Variants in POLA1 observed in about 807,000 individuals in gnomAD.
POLA1 encodes the protein DNA polymerase alpha catalytic subunit.
Under a neutral mutation model 124.0 loss-of-function variants are expected in POLA1, and 15 were observed. That is an observed-to-expected ratio of 0.12 (90% CI 0.08 to 0.19). POLA1 has a LOEUF of 0.19. Among genes scored for constraint, POLA1 ranks in the 10% least tolerant of loss-of-function variants. POLA1 has a pLI of 1.00. For synonymous variants in POLA1, 408 were observed against 389.4 expected (o/e 1.05, Z -0.56); for missense variants, 886 against 1,103.4 (o/e 0.80, Z 2.79).
At chrX:24,717,001 A>G (rs372926955) in intron 8 of POLA1, 30 bp downstream of exon 8, 6 of 974,929 alleles carry the variant, frequency 6.2e-6, no homozygotes, top group African/African-American at 1.9e-5. Context: ...GAATTGCAAG[A>G]GTGTTGAGTG....
At chrX:24,958,349 T>C (rs1424875922) in intron 36 of POLA1, among the ~76,000 whole-genome samples, 3 of 112,306 alleles carry the variant, frequency 2.7e-5, no homozygotes, top group Non-Finnish European at 5.6e-5. Flanking sequence ...AACAGCTCTA[T>C]TGCTCACAGC....
chrX:24,762,569 G>A (rs935309088), intron 26 of POLA1, among the ~76,000 whole-genome samples: 6 of 108,372 alleles, frequency 5.5e-5, no homozygotes, highest in Admixed American at 9.8e-5. Flanking sequence ...ATGTGTAGAG[G>A]TCCTGTGGTG....
At chrX:24,994,568 G>A (rs2048577606) in intron 36 of POLA1, among the ~76,000 whole-genome samples, 1 of 112,123 alleles carries the variant, frequency 8.9e-6, no homozygotes, top group Non-Finnish European at 1.9e-5. Context: ...TGATGTCTGA[G>A]GCCTGCAAAT....
rs772235911 is a variant in POLA1 at position 24,788,705 on chromosome X, C to T, written c.2965-21193C>T. On this transcript the variant is annotated intron_variant, in intron 26 of 36. Coordinates refer to ENST00000379068, the MANE Select transcript of POLA1 (RefSeq NM_001330360.2). Reference sequence around the variant, plus strand: ...TTTCTTTGATTCATATTGTGCAAGACGTTCTTCCCTTAGCCTCTTTGCTTC... The same window carrying T: ...TTTCTTTGATTCATATTGTGCAAGATGTTCTTCCCTTAGCCTCTTTGCTTC... 5.6e-5 allele frequency: 67 copies of T among 1,202,981 alleles called. 2 individuals carry two copies. In the South Asian group the frequency reaches 9.5e-4, roughly 17 times the overall value.
intron 36 of POLA1, among the ~76,000 whole-genome samples, chrX:24,944,213 C>T (rs746812699): frequency 1.6e-4 from 18 of 111,787 alleles, no homozygotes; most frequent in Non-Finnish European, 2.8e-4. Flanking sequence ...TAGTGGCTTT[C>T]CATTGAGGTT....
chrX:24,849,876 T>C (rs2046532240), intron 34 of POLA1, among the ~76,000 whole-genome samples: 1 of 111,281 alleles, frequency 9.0e-6, no homozygotes, highest in African/African-American at 3.3e-5. Flanking sequence ...GTGATTCGCC[T>C]GCCTCGGCCT....
At chrX:24,939,756 A>G (rs1311245248) in intron 36 of POLA1, among the ~76,000 whole-genome samples, 1 of 111,672 alleles carries the variant, frequency 9.0e-6, no homozygotes, top group African/African-American at 3.2e-5. Context: ...TTGTGATTTA[A>G]AAAGTCAGAG....
chrX:24,988,366 G>A (rs2048500537), intron 36 of POLA1, among the ~76,000 whole-genome samples: 1 of 112,711 alleles, frequency 8.9e-6, no homozygotes, highest in Non-Finnish European at 1.9e-5. Context: ...AGGAAAATAA[G>A]CAGAGGCTTG....
At chrX:24,709,212 T>A (rs1302278196) in intron 4 of POLA1, among the ~76,000 whole-genome samples, 2 of 93,582 alleles carry the variant, frequency 2.1e-5, no homozygotes, top group African/African-American at 4.2e-5. Context: ...CCCACCTCCC[T>A]CCCGGACAGG....
chrX:24,853,562 C>T, intron 34 of POLA1, among the ~76,000 whole-genome samples: 1 of 112,020 alleles, frequency 8.9e-6, no homozygotes, highest in Middle Eastern at 4.2e-3. Flanking sequence ...CATATCATCA[C>T]CAGTCTCATC....
chrX:24,744,814 G>A (rs971954415), intron 23 of POLA1, among the ~76,000 whole-genome samples: 8 of 108,200 alleles, frequency 7.4e-5, no homozygotes, highest in Non-Finnish European at 1.3e-4. Flanking sequence ...AGCCGAGCAC[G>A]GTGTTGCGCG....
intron 35 of POLA1, among the ~76,000 whole-genome samples, chrX:24,907,304 A>G (rs1197112526): frequency 9.0e-6 from 1 of 111,380 alleles, no homozygotes; most frequent in Non-Finnish European, 1.9e-5. Context: ...CAGTCATGTC[A>G]TTGGAATAAC....
chrX:24,815,149 A>T, intron 30 of POLA1, 38 bp downstream of exon 30: 2 of 1,163,322 alleles, frequency 1.7e-6, no homozygotes, highest in Non-Finnish European at 2.3e-6. Context: ...AGCTGCTGTC[A>T]TGTGTTTTTC....
chrX:24,975,047 T>C (rs1345462367), intron 36 of POLA1, among the ~76,000 whole-genome samples: 1 of 112,686 alleles, frequency 8.9e-6, no homozygotes, highest in Non-Finnish European at 1.9e-5. Context: ...AGTCTCGCTC[T>C]GTCACCCAGG....
chrX:24,922,435 T>C (rs1482594652), intron 35 of POLA1, among the ~76,000 whole-genome samples: 1 of 111,288 alleles, frequency 9.0e-6, no homozygotes, highest in Non-Finnish European at 1.9e-5. Flanking sequence ...ATGAAACAGA[T>C]AAATATTTTT....
At chrX:24,761,757 G>A (rs1257795297) in intron 26 of POLA1, among the ~76,000 whole-genome samples, 1 of 112,017 alleles carries the variant, frequency 8.9e-6, no homozygotes, top group Non-Finnish European at 1.9e-5. Flanking sequence ...TTCAATTACT[G>A]GTTCTTGCCT....
intron 34 of POLA1, among the ~76,000 whole-genome samples, chrX:24,846,656 A>G (rs1319193747): frequency 8.9e-6 from 1 of 112,130 alleles, no homozygotes; most frequent in Admixed American, 9.5e-5. Context: ...GCAAATAGAC[A>G]TACACACACA....
intron 26 of POLA1, among the ~76,000 whole-genome samples, chrX:24,783,176 A>T (rs1408477192): frequency 9.0e-6 from 1 of 111,200 alleles, no homozygotes; most frequent in African/African-American, 3.3e-5. Context: ...GTTAAGACCC[A>T]GTGATAGCCA....
At chrX:24,915,062 G>C (rs1239644964) in intron 35 of POLA1, among the ~76,000 whole-genome samples, 2 of 111,837 alleles carry the variant, frequency 1.8e-5, no homozygotes, top group East Asian at 5.6e-4. Context: ...CAGTATATCT[G>C]AGCAAGGTGA....
Sources: gnomAD v4.1 joint callset for allele counts (sites outside exome capture counted in the v4.1 genomes callset) on GRCh38, gnomAD v4.1.1 for gene constraint, MANE v1.5 for transcripts, NCBI Gene and HGNC (gene_info 2026-07-23, HGNC 2026-07-21) for gene names.